Variants in GULP1 observed in about 807,000 individuals in gnomAD.
GULP1 encodes GULP PTB domain containing engulfment adaptor 1.
GULP1 carries 19 observed loss-of-function variants against 40.9 expected under a neutral mutation model. That is an observed-to-expected ratio of 0.46 (90% CI 0.32 to 0.68). The LOEUF (loss-of-function observed/expected upper bound fraction) is 0.68. Ranked by LOEUF, GULP1 falls within the 30% of genes least tolerant of loss-of-function variation. The pLI, the probability that GULP1 is intolerant of heterozygous loss-of-function variation, is 0.03. For synonymous variants in GULP1, 119 were observed against 117.6 expected, an observed-to-expected ratio of 1.01 and a Z score of -0.08; for missense variants, 312 against 362.2, an observed-to-expected ratio of 0.86 and a Z score of 1.12.
At chr2:188,527,953 A>G (rs371787252) in intron 5 of GULP1, among the ~76,000 whole-genome samples, 3 of 152,144 alleles carry the variant, frequency 2.0e-5, no homozygotes, top group Non-Finnish European at 4.4e-5. Flanking sequence ...ACATGTCATC[A>G]ATTTTGAGTC....
At chr2:188,494,829 T>G (rs1018924419) in intron 4 of GULP1, among the ~76,000 whole-genome samples, 4 of 151,978 alleles carry the variant, frequency 2.6e-5, no homozygotes, top group African/African-American at 9.7e-5. Context: ...TCTCACAATC[T>G]CTTTCCACTC....
intron 6 of GULP1, among the ~76,000 whole-genome samples, chr2:188,534,014 CT>C (rs1688259184): frequency 6.6e-6 from 1 of 152,148 alleles, no homozygotes; most frequent in African/African-American, 2.4e-5. Context: ...AAAGAGAATG[CT>C]TATACACTGT....
chr2:188,461,630 A>T (rs1376768955), intron 2 of GULP1, among the ~76,000 whole-genome samples: 1 of 151,330 alleles, frequency 6.6e-6, no homozygotes, highest in Non-Finnish European at 1.5e-5. Flanking sequence ...TATGGCTTTA[A>T]TCTTGTTACT....
chr2:188,437,593 A>G (rs1321797977), intron 2 of GULP1, among the ~76,000 whole-genome samples: 1 of 152,178 alleles, frequency 6.6e-6, no homozygotes, highest in Non-Finnish European at 1.5e-5. Flanking sequence ...CCAAAGTAAT[A>G]GAAATCATTC....
chr2:188,523,665 A>G (rs963307687), intron 5 of GULP1, among the ~76,000 whole-genome samples: 1 of 152,244 alleles, frequency 6.6e-6, no homozygotes, highest in Middle Eastern at 3.4e-3. Context: ...CGGTTATTCT[A>G]AAGGAGGGTT....
At chr2:188,575,873 A>C (rs1295954068) in intron 9 of GULP1, among the ~76,000 whole-genome samples, 1 of 152,160 alleles carries the variant, frequency 6.6e-6, no homozygotes, top group Non-Finnish European at 1.5e-5. Context: ...AGAAGGAGAC[A>C]TTTCAGTAGT....
intron 2 of GULP1, among the ~76,000 whole-genome samples, chr2:188,450,360 G>T (rs1185607635): frequency 6.6e-6 from 1 of 152,050 alleles, no homozygotes; most frequent in Non-Finnish European, 1.5e-5. Flanking sequence ...GTATAATACA[G>T]TTAAATTATA....
At chr2:188,386,029 A>G (rs527873788) in intron 2 of GULP1, among the ~76,000 whole-genome samples, 4 of 152,300 alleles carry the variant, frequency 2.6e-5, no homozygotes, top group African/African-American at 4.8e-5. Flanking sequence ...ATCTTTAGGT[A>G]TCTTTTCAGC....
At chr2:188,574,322 T>C (rs1386154697) in intron 9 of GULP1, among the ~76,000 whole-genome samples, 2 of 152,142 alleles carry the variant, frequency 1.3e-5, no homozygotes, top group Non-Finnish European at 2.9e-5. Context: ...AACAGAAACA[T>C]TCTTGATAAA....
At chr2:188,564,305 A>T (rs1697086846) in intron 7 of GULP1, among the ~76,000 whole-genome samples, 1 of 151,862 alleles carries the variant, frequency 6.6e-6, no homozygotes, top group Non-Finnish European at 1.5e-5. Flanking sequence ...GAAATAGGAA[A>T]AAATTGTCTT....
chr2:188,576,968 G>A (rs1387241183), intron 9 of GULP1, among the ~76,000 whole-genome samples: 1 of 152,108 alleles, frequency 6.6e-6, no homozygotes, highest in Non-Finnish European at 1.5e-5. Flanking sequence ...TAGCCTCATA[G>A]CCTCATGAAT....
chr2:188,587,203 T>C (rs922536094), intron 10 of GULP1, among the ~76,000 whole-genome samples: 1 of 152,102 alleles, frequency 6.6e-6, no homozygotes, highest in African/African-American at 2.4e-5. Context: ...AAGTAGTGCA[T>C]ACTTTAGAAC....
intron 1 of GULP1, among the ~76,000 whole-genome samples, chr2:188,305,883 G>A (rs1267220447): frequency 6.6e-6 from 1 of 152,092 alleles, no homozygotes; most frequent in Non-Finnish European, 1.5e-5. Context: ...GTTCATGTGA[G>A]TCTCCTGCTT....
At chr2:188,383,700 A>G (rs569221780) in intron 1 of GULP1, 63 bp from the exon 2 acceptor site, 2 of 152,060 alleles carry the variant, frequency 1.3e-5, no homozygotes, top group African/African-American at 4.8e-5. Flanking sequence ...GGACTTCTAA[A>G]TTAAAATAAA....
intron 4 of GULP1, among the ~76,000 whole-genome samples, chr2:188,500,138 G>GATGAATC (rs1169059294): frequency 2.0e-5 from 3 of 151,774 alleles, no homozygotes; most frequent in Non-Finnish European, 4.4e-5. Flanking sequence ...GTTTATTTAG[G>GATGAATC]ATGAATCAGT....
At chr2:188,434,321 C>T (rs1266955033) in intron 2 of GULP1, among the ~76,000 whole-genome samples, 1 of 150,904 alleles carries the variant, frequency 6.6e-6, no homozygotes, top group Non-Finnish European at 1.5e-5. Flanking sequence ...CCCAAAGTTT[C>T]TTTTTCTTTT....
At chr2:188,504,483 C>G (rs2063722637) in intron 4 of GULP1, among the ~76,000 whole-genome samples, 1 of 151,890 alleles carries the variant, frequency 6.6e-6, no homozygotes, top group Non-Finnish European at 1.5e-5. Flanking sequence ...GTTATTTTGA[C>G]AGGCAACTAT....
chr2:188,380,118 A>G (rs1481695887), intron 1 of GULP1, among the ~76,000 whole-genome samples: 11 of 152,136 alleles, frequency 7.2e-5, no homozygotes, highest in Non-Finnish European at 1.5e-5. Context: ...TATTTTCCTT[A>G]GAGTGTAGGG....
chr2:188,352,618 T>TCACACACACACACACACACACA (rs66499080), intron 1 of GULP1, among the ~76,000 whole-genome samples: 1,446 of 134,440 alleles, frequency 0.011, 33 homozygotes, highest in East Asian at 0.037. Flanking sequence ...TCTCTCTCTC[T>TCACACACACACACACACACACA]CACACACACA....
Sources: allele counts gnomAD v4.1 joint callset (sites outside exome capture counted in the v4.1 genomes callset), GRCh38; gene constraint gnomAD v4.1.1; transcripts MANE v1.5; gene names NCBI Gene and HGNC (gene_info 2026-07-23, HGNC 2026-07-21).